CLEC4D: variants seen among roughly 807,000 people sequenced by gnomAD.
CLEC4D encodes the protein C-type (calcium dependent, carbohydrate-recognition domain) lectin, superfamily member 8.
Under a neutral mutation model 21.1 loss-of-function variants are expected in CLEC4D, and 21 were observed. The observed-to-expected ratio is 1.00, with a 90% CI of 0.71 to 1.43. The LOEUF (loss-of-function observed/expected upper bound fraction) is 1.43, where lower values mean the gene tolerates loss of function less well. CLEC4D is among the 40% of genes most tolerant of loss of function. CLEC4D has a pLI of 0.00. For missense variants in CLEC4D, 289 were observed against 260.7 expected, an observed-to-expected ratio of 1.11 and a Z score of -0.75; for synonymous variants, 85 against 83.1, an observed-to-expected ratio of 1.02 and a Z score of -0.12.
At chr12:8,530,416 G>A in the CLEC4D span, among the ~76,000 whole-genome samples, 3 of 144,202 alleles carry the variant, frequency 2.1e-5, no homozygotes, top group Non-Finnish European at 4.5e-5. Context: ...GCAAAAATGT[G>A]AGTTGCATAT....
At chr12:8,516,871 A>C (rs1452191233) in intron 2 of CLEC4D, among the ~76,000 whole-genome samples, 1 of 152,238 alleles carries the variant, frequency 6.6e-6, no homozygotes, top group Non-Finnish European at 1.5e-5. Flanking sequence ...AGAATAGATA[A>C]ATATATTTTG....
chr12:8,519,149 G>A lies in CLEC4D; in HGVS notation c.373G>A (p.Glu125Lys), dbSNP rs372990244. The A allele has an allele frequency of 2.5e-6, 4 of 1,613,728 alleles. No homozygotes were observed. The highest frequency in any genetic ancestry group is 3.4e-6 in the Non-Finnish European group (4 of 1,179,914). Reference protein sequence around the residue: ...MGAHLMTISTEAEQNFIIQFL... With the variant: ...MGAHLMTISTKAEQNFIIQFL... ...GGCCCATCTGATGACCATCAGCACG[G>A]AAGCTGAGCAGGTGTGTTGGGAGGA... Residue 125 changes from glutamate to lysine, a missense_variant, in exon 4 of 6, where the codon GAA becomes AAA. Coordinates refer to ENST00000299665, the MANE Select transcript of CLEC4D (RefSeq NM_080387.5).
At chr12:8,522,992 A>C (rs1318226650), downstream of CLEC4D, among the ~76,000 whole-genome samples, 7 of 152,158 alleles carry the variant, frequency 4.6e-5, no homozygotes, top group African/African-American at 1.7e-4. Flanking sequence ...GACTTGTTGA[A>C]TATCAGATGG....
chr12:8,520,335 G>A lies in CLEC4D; in HGVS notation c.494G>A (p.Arg165His), dbSNP rs201112913. Residue 165 changes from arginine to histidine, a missense_variant, in exon 5 of 6, where the codon CGC becomes CAC. Arg to His is a conservative substitution (Grantham distance 29, BLOSUM62 0). Coordinates refer to ENST00000299665, the MANE Select transcript of CLEC4D (RefSeq NM_080387.5). ...GTGGACCAGACGCCATTTAACCCAC[G>A]CAGAGTGTAAGTATATTGAGTGGGC... ...RWVDQTPFNPRRVFWHKNEPD... is the reference protein window; with the variant it reads ...RWVDQTPFNPHRVFWHKNEPD... The A allele has an allele frequency of 6.8e-5, 109 of 1,613,658 alleles. No individual in the cohort carries two copies. Among genetic ancestry groups the A allele is most frequent in the South Asian group, 6.6e-5 (6 of 91,072 alleles).
chr12:8,525,889 C>T (rs991099755), downstream of CLEC4D, among the ~76,000 whole-genome samples: 5 of 152,104 alleles, frequency 3.3e-5, no homozygotes, highest in East Asian at 1.9e-4. Flanking sequence ...CTGGCGGTAA[C>T]GAAATCCCTC....
At chr12:8,527,658 C>T in the CLEC4D span, among the ~76,000 whole-genome samples, 9 of 152,232 alleles carry the variant, frequency 5.9e-5, no homozygotes, top group Non-Finnish European at 1.0e-4. Context: ...ACTGCCCCTC[C>T]CTCAAAGAGC....
chr12:8,524,953 T>G (rs751065958), downstream of CLEC4D, among the ~76,000 whole-genome samples: 4 of 152,354 alleles, frequency 2.6e-5, no homozygotes, highest in African/African-American at 9.6e-5. Flanking sequence ...AATTTCGTTA[T>G]TTACTCAGCT....
chr12:8,522,244 T>G lies in CLEC4D; in HGVS notation c.*973T>G, dbSNP rs1463580256. On this transcript the variant is annotated 3_prime_UTR_variant, in exon 6 of 6. Transcript: ENST00000299665. ...TTTCTTTAGAGCTGTATAACTATAG[T>G]TTGAACTAGCAAGGAAGTTATTGTT... 4.6e-5 allele frequency: 7 copies of G among 152,144 alleles called. No homozygotes were observed. Among genetic ancestry groups the G allele is most frequent in the Admixed American group, 4.6e-4 (7 of 15,270 alleles). The allele number at this position is 152,144 out of a possible 1,614,324, so 9.4% of individuals were successfully genotyped here. A position where few individuals can be genotyped will look rare whatever the true frequency, so the allele number is the denominator to read the frequency against.
chr12:8,516,508 A>G (rs1359953918), intron 2 of CLEC4D, among the ~76,000 whole-genome samples: 2 of 152,262 alleles, frequency 1.3e-5, no homozygotes, highest in Admixed American at 1.3e-4. Flanking sequence ...TGCCAGCCTC[A>G]TTAATTAATT....
At position 8,520,275 on chromosome 12, in the gene CLEC4D, TTA is replaced by T; in HGVS notation, c.435_436del (p.Asp147Ter). ...AGACGGCTTTCCTATTTCCTTGGAC[TTA>T]GAGATGAGAATGCCAAAGGTCAGTG... On this transcript the variant is annotated frameshift_variant, in exon 5 of 6. Transcript: ENST00000299665. LOFTEE classifies it high-confidence loss of function. 6.2e-7 allele frequency: 1 copy of T among 1,614,052 alleles called. No individual in the cohort carries two copies. The highest frequency in any genetic ancestry group is 8.5e-7 in the Non-Finnish European group (1 of 1,179,914).
chr12:8,529,636 T>G, the CLEC4D span, among the ~76,000 whole-genome samples: 1 of 152,092 alleles, frequency 6.6e-6, no homozygotes, highest in African/African-American at 2.4e-5. Flanking sequence ...AAGATGTCAA[T>G]ATTAACTCCA....
intron 3 of CLEC4D, among the ~76,000 whole-genome samples, chr12:8,518,748 G>A (rs1391959113): frequency 6.6e-6 from 1 of 152,190 alleles, no homozygotes; most frequent in Non-Finnish European, 1.5e-5. Context: ...ACAGATGTAG[G>A]AACAATGAAT....
chr12:8,514,277 A>G (rs1263334520), intron 1 of CLEC4D, among the ~76,000 whole-genome samples: 1 of 152,142 alleles, frequency 6.6e-6, no homozygotes, highest in Non-Finnish European at 1.5e-5. Context: ...GTGTGATCCT[A>G]TTGAATTACC....
chr12:8,524,672 G>C (rs1173526198), downstream of CLEC4D, among the ~76,000 whole-genome samples: 1 of 151,904 alleles, frequency 6.6e-6, no homozygotes, highest in African/African-American at 2.4e-5. Flanking sequence ...TGATTTTTTG[G>C]AGGGTTTTTC....
chr12:8,531,089 T>C, the CLEC4D span, among the ~76,000 whole-genome samples: 1 of 152,142 alleles, frequency 6.6e-6, no homozygotes, highest in East Asian at 1.9e-4. Context: ...CGTATGGGCG[T>C]CCTCCTCACT....
downstream of CLEC4D, among the ~76,000 whole-genome samples, chr12:8,523,350 G>A (rs185679200): frequency 6.9e-3 from 1,044 of 152,190 alleles, 10 homozygotes; most frequent in African/African-American, 0.022. Context: ...TTTTCCATTT[G>A]TTTGTGTCCT....
chr12:8,529,404 CAG>C, the CLEC4D span, among the ~76,000 whole-genome samples: 54 of 152,108 alleles, frequency 3.6e-4, no homozygotes, highest in African/African-American at 1.3e-3. Flanking sequence ...TACTTGAGGC[CAG>C]CAGTTTGAGA....
chr12:8,519,954 AT>A (rs1250642924), intron 4 of CLEC4D, among the ~76,000 whole-genome samples: 1 of 152,238 alleles, frequency 6.6e-6, no homozygotes, highest in East Asian at 1.9e-4. Context: ...CTTATTAAGC[AT>A]TGTGCTAAAA....
At chr12:8,520,769 G>A (rs1940448215) in intron 5 of CLEC4D, among the ~76,000 whole-genome samples, 1 of 152,110 alleles carries the variant, frequency 6.6e-6, no homozygotes, top group South Asian at 2.1e-4. Context: ...AGAAGCAAGT[G>A]AAATGTATTT....
Sources: gnomAD v4.1 joint callset for allele counts (sites outside exome capture counted in the v4.1 genomes callset) on GRCh38, gnomAD v4.1.1 for gene constraint, MANE v1.5 for transcripts, NCBI Gene and HGNC (gene_info 2026-07-23, HGNC 2026-07-21) for gene names.